FAHD1: variants seen among roughly 807,000 people sequenced by gnomAD.
The protein encoded by FAHD1 is FAH domain containing oxaloacetate decarboxylase 1.
A neutral mutation model predicts 12.7 loss-of-function variants in FAHD1; 14 were observed. The observed-to-expected ratio is 1.10, with a 90% CI of 0.73 to 1.72. FAHD1 has a LOEUF of 1.72. Ranked by LOEUF, FAHD1 falls within the 40% of genes most tolerant of loss-of-function variation. FAHD1 has a pLI of 0.00. For missense variants in FAHD1, 351 were observed against 298.9 expected (o/e 1.17, Z -1.29); for synonymous variants, 153 against 124.9 (o/e 1.22, Z -1.50).
chr16:1,832,400 G>A (rs1056566071), downstream of FAHD1, among the ~76,000 whole-genome samples: 1 of 150,410 alleles, frequency 6.6e-6, no homozygotes, highest in Non-Finnish European at 1.5e-5. Flanking sequence ...CTACATCTCC[G>A]GACCTCGTGA....
chr16:1,837,809 A>G (rs967796101), intron 1 of FAHD1: 1 of 1,540,180 alleles, frequency 6.5e-7, no homozygotes, highest in African/African-American at 1.4e-5. Flanking sequence ...GCTTCTTTCC[A>G]AGAGAAATTG....
downstream of FAHD1, among the ~76,000 whole-genome samples, chr16:1,833,555 T>C (rs1034522688): frequency 0.12 from 11,414 of 98,604 alleles, 515 homozygotes; most frequent in South Asian, 0.2. Context: ...TTAGAGGTAC[T>C]TTTTTTTTTT....
intron 1 of FAHD1, among the ~76,000 whole-genome samples, chr16:1,834,716 T>A (rs1898692686): frequency 6.6e-6 from 1 of 152,062 alleles, no homozygotes; most frequent in Non-Finnish European, 1.5e-5. Flanking sequence ...GTGGATCACC[T>A]GAGGTCAGGA....
chr16:1,827,986 A>G (rs1898537845), exon 1 of FAHD1: 5 of 1,542,208 alleles, frequency 3.2e-6, no homozygotes, highest in Non-Finnish European at 4.4e-6. Flanking sequence ...TCCTTTAATT[A>G]GAAACCATTT....
downstream of FAHD1, among the ~76,000 whole-genome samples, chr16:1,833,445 A>C: frequency 6.6e-6 from 1 of 151,538 alleles, no homozygotes; most frequent in African/African-American, 2.4e-5. Flanking sequence ...AGGATTGCCC[A>C]CGACTTTGGC....
exon 1 of FAHD1, chr16:1,827,898 A>G: frequency 6.2e-7 from 1 of 1,611,816 alleles, no homozygotes; most frequent in Non-Finnish European, 8.5e-7. Flanking sequence ...AAAAGCCAGA[A>G]TATTGAGTTA....
chr16:1,835,299 T>G (rs1473426692), intron 1 of FAHD1, among the ~76,000 whole-genome samples: 2 of 152,008 alleles, frequency 1.3e-5, no homozygotes, highest in East Asian at 3.9e-4. Flanking sequence ...AAAAAGGGCT[T>G]AATGTGTGTT....
At chr16:1,836,496 A>ATGATAC (rs1567271378) in intron 1 of FAHD1, among the ~76,000 whole-genome samples, 1 of 147,584 alleles carries the variant, frequency 6.8e-6, no homozygotes, top group Non-Finnish European at 1.5e-5. Flanking sequence ...TTGCAAAGAG[A>ATGATAC]CAGTATTTAG....
exon 1 of FAHD1, chr16:1,828,274 CAAAAAAAAAAAAA>C: frequency 1.4e-6 from 1 of 728,948 alleles, no homozygotes; most frequent in East Asian, 1.5e-4. Context: ...GACTCCGTCT[CAAAAAAAAAAAAA>C]AAAAAAGAAA....
chr16:1,829,481 C>A (rs1335046493), downstream of FAHD1, among the ~76,000 whole-genome samples: 1 of 152,174 alleles, frequency 6.6e-6, no homozygotes, highest in Non-Finnish European at 1.5e-5. Flanking sequence ...CCAGCTCCCC[C>A]AAGACCAGAA....
downstream of FAHD1, among the ~76,000 whole-genome samples, chr16:1,830,815 A>T (rs533911285): frequency 6.6e-6 from 1 of 152,228 alleles, no homozygotes; most frequent in African/African-American, 2.4e-5. Context: ...AATAGTTTCA[A>T]CAATTACCAG....
intron 1 of FAHD1, among the ~76,000 whole-genome samples, chr16:1,835,914 C>T (rs1286010587): frequency 6.6e-6 from 1 of 150,436 alleles, no homozygotes; most frequent in Non-Finnish European, 1.5e-5. Flanking sequence ...GGCTGGAGTG[C>T]AGTGGTGAGA....
downstream of FAHD1, among the ~76,000 whole-genome samples, chr16:1,832,005 C>T (rs1157440039): frequency 6.6e-6 from 1 of 151,984 alleles, no homozygotes; most frequent in Non-Finnish European, 1.5e-5. Context: ...TGTTTGTTTC[C>T]TTAGGGAAGT....
intron 1 of FAHD1, among the ~76,000 whole-genome samples, chr16:1,836,270 A>G (rs1161869996): frequency 6.6e-6 from 1 of 152,200 alleles, no homozygotes; most frequent in Non-Finnish European, 1.5e-5. Flanking sequence ...GTCCATAATT[A>G]TGAATATTTG....
At chr16:1,830,118 G>A (rs964699326), downstream of FAHD1, among the ~76,000 whole-genome samples, 4 of 152,266 alleles carry the variant, frequency 2.6e-5, no homozygotes, top group Admixed American at 6.5e-5. Context: ...CCGCCTGGGC[G>A]TCCCAAAGTG....
downstream of FAHD1, among the ~76,000 whole-genome samples, chr16:1,832,407 G>A (rs1310819073): frequency 1.3e-5 from 2 of 150,390 alleles, no homozygotes; most frequent in South Asian, 2.1e-4. Flanking sequence ...TCCGGACCTC[G>A]TGATCCACCC....
chr16:1,827,687 A>G (rs1231735384), exon 1 of FAHD1: 3 of 1,614,024 alleles, frequency 1.9e-6, no homozygotes, highest in Admixed American at 1.7e-5. Flanking sequence ...CTCAAGGTCA[A>G]CGGCGAACTC....
downstream of FAHD1, among the ~76,000 whole-genome samples, chr16:1,830,917 T>TAC (rs1555470124): frequency 9.9e-4 from 114 of 114,850 alleles, no homozygotes; most frequent in African/African-American, 2.6e-3. Context: ...TCTCTCTCTA[T>TAC]ACACACACAC....
At chr16:1,830,259 T>C (rs1008728434), downstream of FAHD1, among the ~76,000 whole-genome samples, 4 of 152,244 alleles carry the variant, frequency 2.6e-5, no homozygotes, top group South Asian at 2.1e-4. Flanking sequence ...CTTTCATGGA[T>C]TGCATAAGAT....
Sources: gnomAD v4.1 joint callset for allele counts (sites outside exome capture counted in the v4.1 genomes callset) on GRCh38, gnomAD v4.1.1 for gene constraint, MANE v1.5 for transcripts, NCBI Gene and HGNC (gene_info 2026-07-23, HGNC 2026-07-21) for gene names.